The following COL17A1 variants were observed in gnomAD, a reference collection of about 807,000 sequenced individuals.
COL17A1 encodes the protein collagen type XVII alpha 1 chain, also known as collagen alpha-1(XVII) chain.
COL17A1 carries 181 observed loss-of-function variants against 218.4 expected under a neutral mutation model. The observed-to-expected ratio is 0.83, with a 90% CI of 0.73 to 0.94. COL17A1 has a LOEUF of 0.94. COL17A1 is among the 40% of genes least tolerant of loss of function. The pLI is 0.00. For synonymous variants in COL17A1, 721 were observed against 731.0 expected (o/e 0.99, Z 0.22); for missense variants, 1,924 against 1,945.9 (o/e 0.99, Z 0.21).
At position 104,053,923 on chromosome 10, in the gene COL17A1, C is replaced by A; in HGVS notation, c.1831G>T (p.Val611Leu). 1 of 1,571,364 alleles carries A rather than the reference C, an allele frequency of 6.4e-7. No homozygotes were observed. Among genetic ancestry groups the A allele is most frequent in the Non-Finnish European group, 8.8e-7 (1 of 1,141,128 alleles). ...TAAAGAAAAATGTGTTTCTTACCCA[C>A]GCTGCCTTTTTGACCCTTTGGTCCT... The part of the protein sequence containing the change: ...PQGPKGQKGS[V>L]GDPGMEGPMG... Residue 611 changes from valine to leucine, a missense_variant, in exon 22 of 56, where the codon GTG (valine) becomes TTG (leucine). Coordinates refer to ENST00000648076, the MANE Select transcript of COL17A1 (RefSeq NM_000494.4).
At chr10:104,045,501 A>C (rs1318826259) in intron 33 of COL17A1, among the ~76,000 whole-genome samples, 1 of 150,724 alleles carries the variant, frequency 6.6e-6, no homozygotes, top group Non-Finnish European at 1.5e-5. Context: ...CTCCTGTAAC[A>C]GTGGCCTGGA....
intron 9 of COL17A1, among the ~76,000 whole-genome samples, chr10:104,065,698 C>T (rs1428586660): frequency 6.6e-6 from 1 of 152,206 alleles, no homozygotes; most frequent in East Asian, 1.9e-4. Context: ...GGATTTAGGG[C>T]TGGGCTATGC....
intron 23 of COL17A1, among the ~76,000 whole-genome samples, chr10:104,052,637 C>A (rs1169522896): frequency 6.6e-6 from 1 of 152,138 alleles, no homozygotes; most frequent in East Asian, 1.9e-4. Context: ...CCTTCCCCAC[C>A]TCCCTCTTGG....
At chr10:104,052,918 G>T in intron 23 of COL17A1, 113 bp downstream of exon 23, 1 of 1,318,928 alleles carries the variant, frequency 7.6e-7, no homozygotes, top group Non-Finnish European at 1.1e-6. Flanking sequence ...TGGGTGCTCA[G>T]TAAATGAAGG....
chr10:104,052,001 G>C (rs532500257), intron 24 of COL17A1, among the ~76,000 whole-genome samples, 154 bp downstream of exon 24: 3 of 152,134 alleles, frequency 2.0e-5, no homozygotes, highest in Admixed American at 6.5e-5. Context: ...CTGCTTTTCT[G>C]GGGGATGCTC....
In COL17A1 at chr10:104,072,146, ACTC is replaced by A. The variant is rs534214931; in HGVS notation, c.416-70_416-68del. ...CTTAGATCACAATCCCTGACACTGA[ACTC>A]CTAGCAGCAGATGGCCCTTTAGGCT... On this transcript the variant is annotated intron_variant, in intron 7 of 55. Transcript: ENST00000648076. 8.5e-5 allele frequency: 136 copies of A among 1,607,038 alleles called. 2 individuals are homozygous for A. The South Asian group carries it at 1.4e-3, about 16-fold the overall frequency.
chr10:104,038,803 C>T (rs559301028), intron 44 of COL17A1, among the ~76,000 whole-genome samples: 3 of 152,282 alleles, frequency 2.0e-5, no homozygotes, highest in African/African-American at 7.2e-5. Flanking sequence ...CCCCTTCTCT[C>T]AACTCCCCAG....
rs187780678 is a variant in COL17A1, at chr10:104,063,273, G to A, written c.838+474C>T. 2.4e-3 allele frequency among the ~76,000 whole-genome samples: 361 copies of A among 152,268 alleles called. 2 individuals are homozygous for A. The highest frequency in any genetic ancestry group is 8.2e-3 in the African/African-American group (341 of 41,564). ...AGCAAATAAATATTTCTTTAAAATTGTTGTTATGTTTGCATTGGAAGATAA... is the reference window on the plus strand; with the variant it reads ...AGCAAATAAATATTTCTTTAAAATTATTGTTATGTTTGCATTGGAAGATAA... On this transcript the variant is annotated intron_variant, in intron 11 of 55. Transcript: ENST00000648076.
In COL17A1 at chr10:104,038,395, C is replaced by T. The variant is rs2086324112; in HGVS notation, c.3070+11G>A. The T allele has an allele frequency of 6.2e-7, 1 of 1,613,488 alleles. No homozygotes were observed. On this transcript the variant is annotated intron_variant, in intron 45 of 55. Transcript: ENST00000648076. Reference sequence around the variant, plus strand: ...TCTTGTCCCCACGGCTTGCGGCGGCCAGCTACTCACTCTGCATGTACTCAG... The same window carrying T: ...TCTTGTCCCCACGGCTTGCGGCGGCTAGCTACTCACTCTGCATGTACTCAG...
Position 104,032,209 on chromosome 10 carries a change from C to G in COL17A1, c.*26G>C, listed in dbSNP as rs768127417. On this transcript the variant is annotated 3_prime_UTR_variant, in exon 56 of 56. Coordinates refer to ENST00000648076, the MANE Select transcript of COL17A1 (RefSeq NM_000494.4). ...TGCCACATGCATTATGAGACCTGGT[C>G]CAGGAGCTGTCCTGCCATGGCTAGC... 6.2e-7 allele frequency: 1 copy of G among 1,605,468 alleles called. No individual in the cohort carries two copies. The highest frequency in any genetic ancestry group is 1.1e-5 in the South Asian group (1 of 90,912).
rs2086535300 is a variant in COL17A1, at chr10:104,057,001, C to A, written c.1439G>T (p.Gly480Val). 6.3e-7 allele frequency: 1 copy of A among 1,587,202 alleles called. No individual in the cohort carries two copies. The highest frequency in any genetic ancestry group is 8.6e-7 in the Non-Finnish European group (1 of 1,167,202). ...GLLLTWLLLL[G>V]LLFGLIALAE... The stretch of plus-strand genomic sequence containing the variant: ...CAGAGCAATGAGGCCGAAGAGCAGC[C>A]CCAGGAGTAGCAGCCAGGTGAGCAG... The change falls in exon 17 of 56, where the codon GGG becomes GTG. Residue 480 changes from glycine to valine, a missense_variant. By Grantham distance (109) the Gly-to-Val change is moderately radical. Transcript: ENST00000648076.
At chr10:104,059,292 A>G in intron 15 of COL17A1, 2 of 321,066 alleles carry the variant, frequency 6.2e-6, no homozygotes, top group Non-Finnish European at 1.2e-5. Flanking sequence ...ATTTGGGAAG[A>G]AAAAAAAATA....
chr10:104,048,342 C>G (rs2086434496), intron 29 of COL17A1, among the ~76,000 whole-genome samples: 1 of 152,214 alleles, frequency 6.6e-6, no homozygotes, highest in Non-Finnish European at 1.5e-5. Context: ...CATTGCATCT[C>G]AAGCGCCTCG....
chr10:104,059,537 G>A (rs903285372), intron 15 of COL17A1, 101 bp downstream of exon 15: 1 of 1,051,670 alleles, frequency 9.5e-7, no homozygotes, highest in African/African-American at 1.6e-5. Context: ...TGATGCTGCT[G>A]GCCCGTGGAC....
chr10:104,070,942 A>C (rs1320463081), intron 8 of COL17A1, among the ~76,000 whole-genome samples: 1 of 152,204 alleles, frequency 6.6e-6, no homozygotes, highest in East Asian at 1.9e-4. Flanking sequence ...CAGCAGTCTC[A>C]TCCCCTGCAC....
chr10:104,062,648 GTT>G (rs1402049286), intron 11 of COL17A1, among the ~76,000 whole-genome samples: 1 of 152,208 alleles, frequency 6.6e-6, no homozygotes. Context: ...GGGGTTCCCT[GTT>G]TCCTGTGACA....
At chr10:104,040,538 A>G (rs2134584019) in intron 39 of COL17A1, 128 bp from the exon 40 acceptor site, 1 of 439,792 alleles carries the variant, frequency 2.3e-6, no homozygotes, top group East Asian at 6.4e-5. Context: ...GGATGGATGG[A>G]TGAATGGGTG....
chr10:104,070,425 C>T lies in COL17A1; in HGVS notation c.607+1G>A. The stretch of plus-strand genomic sequence containing the variant: ...TCGGCAGCCTGGGCTGTCAGACTTA[C>T]CCGACTGGGAGCTCGCTGTCACAAT... On this transcript the variant is annotated splice_donor_variant, in intron 9 of 55. Transcript: ENST00000648076. LOFTEE classifies it high-confidence loss of function. 1 of 1,613,368 alleles carries T rather than the reference C, an allele frequency of 6.2e-7. No individual in the cohort carries two copies. Among genetic ancestry groups the T allele is most frequent in the East Asian group, 2.2e-5 (1 of 44,886 alleles).
intron 53 of COL17A1, 30 bp from the exon 54 acceptor site, chr10:104,032,998 A>G: frequency 6.2e-7 from 1 of 1,608,794 alleles, no homozygotes; most frequent in Non-Finnish European, 8.5e-7. Context: ...CTGGCCTTAG[A>G]GTCTTGATCA....
Sources: allele counts gnomAD v4.1 joint callset (sites outside exome capture counted in the v4.1 genomes callset), GRCh38; gene constraint gnomAD v4.1.1; transcripts MANE v1.5; gene names NCBI Gene and HGNC (gene_info 2026-07-23, HGNC 2026-07-21).